RANBP17: variants seen among roughly 807,000 people sequenced by gnomAD.
RANBP17 encodes ran-binding protein 17.
Under a neutral mutation model 141.2 loss-of-function variants are expected in RANBP17, and 158 were observed. The observed-to-expected ratio is 1.12, with a 90% CI of 0.98 to 1.28. RANBP17 has a LOEUF of 1.28. Among genes scored for constraint, RANBP17 ranks in the 50% most tolerant of loss-of-function variants. RANBP17 has a pLI of 0.00. For missense variants in RANBP17, 1,438 were observed against 1,290.7 expected, an observed-to-expected ratio of 1.11 and a Z score of -1.75; for synonymous variants, 430 against 450.0, an observed-to-expected ratio of 0.96 and a Z score of 0.56.
At chr5:171,028,049 A>G (rs1227096001) in intron 14 of RANBP17, among the ~76,000 whole-genome samples, 1 of 152,042 alleles carries the variant, frequency 6.6e-6, no homozygotes, top group African/African-American at 2.4e-5. Context: ...ATACATACCA[A>G]TAACATTGAA....
At chr5:171,217,244 A>C (rs1452904267) in intron 21 of RANBP17, among the ~76,000 whole-genome samples, 1 of 152,252 alleles carries the variant, frequency 6.6e-6, no homozygotes, top group African/African-American at 2.4e-5. Flanking sequence ...CCAGCTTTGC[A>C]TCCCAGGGAT....
At chr5:171,191,783 C>T (rs1295153116) in intron 18 of RANBP17, among the ~76,000 whole-genome samples, 1 of 152,140 alleles carries the variant, frequency 6.6e-6, no homozygotes, top group African/African-American at 2.4e-5. Flanking sequence ...CACATATTTT[C>T]ATCCACTTTT....
chr5:170,890,177 C>T (rs575420919), intron 3 of RANBP17, among the ~76,000 whole-genome samples: 31 of 152,002 alleles, frequency 2.0e-4, no homozygotes, highest in Non-Finnish European at 4.0e-4. Flanking sequence ...ATAGGGTTTG[C>T]CTGTATCCAC....
At chr5:171,046,693 G>GA (rs538535986) in intron 14 of RANBP17, among the ~76,000 whole-genome samples, 2,571 of 150,762 alleles carry the variant, frequency 0.017, 43 homozygotes, top group Non-Finnish European at 0.023. Context: ...GTTGCTGGAT[G>GA]AAAAAAAAAT....
intron 14 of RANBP17, among the ~76,000 whole-genome samples, chr5:171,065,826 C>G (rs1210497014): frequency 1.3e-5 from 2 of 151,848 alleles, no homozygotes; most frequent in Non-Finnish European, 2.9e-5. Flanking sequence ...TTTCACAGAT[C>G]TTTATATTCA....
intron 14 of RANBP17, among the ~76,000 whole-genome samples, chr5:171,091,819 T>G (rs1294621083): frequency 1.3e-5 from 2 of 152,224 alleles, no homozygotes; most frequent in Non-Finnish European, 2.9e-5. Flanking sequence ...ACCATGATTG[T>G]GAGGCCTCCT....
At chr5:170,873,517 A>G (rs1258040612) in intron 1 of RANBP17, among the ~76,000 whole-genome samples, 1 of 152,044 alleles carries the variant, frequency 6.6e-6, no homozygotes, top group Non-Finnish European at 1.5e-5. Context: ...TACTGCTTTA[A>G]TTTTAGAACT....
At chr5:170,867,657 A>G (rs942340174) in intron 1 of RANBP17, among the ~76,000 whole-genome samples, 11 of 152,230 alleles carry the variant, frequency 7.2e-5, no homozygotes, top group African/African-American at 1.9e-4. Context: ...TTTAAATTCA[A>G]TTGAAGAGGA....
intron 14 of RANBP17, chr5:170,982,995 A>T: frequency 2.5e-6 from 1 of 400,322 alleles, no homozygotes; most frequent in South Asian, 2.2e-5. Flanking sequence ...AAACTTAAGT[A>T]TGAAAATAGA....
Position 170,929,144 on chromosome 5 carries a change from T to A in RANBP17, c.1468+4594T>A, listed in dbSNP as rs371846363. 4.1e-4 allele frequency among the ~76,000 whole-genome samples: 63 copies of A among 152,264 alleles called. 1 individual carries two copies. In the South Asian group the frequency reaches 0.013, roughly 30 times the overall value. ...TAGTTCTAATAACTATTTCATAGAT[T>A]CTTAGGATTGTCTATGTGATCATGT... On this transcript the variant is annotated intron_variant, in intron 12 of 27. Transcript: ENST00000523189.
intron 12 of RANBP17, among the ~76,000 whole-genome samples, chr5:170,950,474 A>G (rs778661577): frequency 5.3e-5 from 8 of 152,204 alleles, no homozygotes; most frequent in Non-Finnish European, 8.8e-5. Context: ...GCCAATAGGT[A>G]TATGAAGAAA....
chr5:170,869,080 T>TG (rs376456888), intron 1 of RANBP17, among the ~76,000 whole-genome samples: 8 of 152,300 alleles, frequency 5.3e-5, no homozygotes, highest in African/African-American at 1.9e-4. Context: ...CTTTTTATCT[T>TG]GGATGGCCTT....
intron 14 of RANBP17, among the ~76,000 whole-genome samples, chr5:171,067,382 A>G (rs1784373779): frequency 6.6e-6 from 1 of 152,270 alleles, no homozygotes; most frequent in African/African-American, 2.4e-5. Context: ...TGCCTTTTAA[A>G]TCATATTGGA....
intron 18 of RANBP17, among the ~76,000 whole-genome samples, chr5:171,195,894 G>A (rs1581839437): frequency 6.6e-6 from 1 of 152,298 alleles, no homozygotes; most frequent in Middle Eastern, 3.4e-3. Context: ...AACAGTAAGA[G>A]CCACATAAGT....
chr5:171,205,632 A>G lies in RANBP17; in HGVS notation c.2231+20A>G, dbSNP rs756323302. On this transcript the variant is annotated intron_variant, in intron 20 of 27. Coordinates refer to ENST00000523189, the MANE Select transcript of RANBP17 (RefSeq NM_022897.5). ...CTGGATGTATCCTTATTACACTGTGACAATACCAGCTCTGTGCACAGAGGG... is the reference window on the plus strand; with the variant it reads ...CTGGATGTATCCTTATTACACTGTGGCAATACCAGCTCTGTGCACAGAGGG... 30 of 1,584,330 alleles carry G rather than the reference A, an allele frequency of 1.9e-5. No individual in the cohort carries two copies. Among genetic ancestry groups the G allele is most frequent in the Middle Eastern group, 1.7e-4 (1 of 6,012 alleles).
chr5:170,956,854 G>A (rs952676183), intron 13 of RANBP17, among the ~76,000 whole-genome samples: 4 of 151,628 alleles, frequency 2.6e-5, no homozygotes, highest in African/African-American at 7.2e-5. Flanking sequence ...GGCGGATCAC[G>A]AGGTCAGGAG....
At chr5:171,249,231 C>T (rs1765408063) in intron 24 of RANBP17, among the ~76,000 whole-genome samples, 1 of 152,160 alleles carries the variant, frequency 6.6e-6, no homozygotes, top group Admixed American at 6.5e-5. Context: ...ACAATCAAAG[C>T]CAAAGTGCCC....
chr5:171,189,020 A>C (rs1437300296), intron 18 of RANBP17, among the ~76,000 whole-genome samples: 5 of 152,232 alleles, frequency 3.3e-5, no homozygotes, highest in Admixed American at 2.6e-4. Context: ...TGAAATACTT[A>C]ACCCATAACA....
intron 16 of RANBP17, among the ~76,000 whole-genome samples, chr5:171,174,848 C>T (rs1482764249): frequency 1.4e-5 from 2 of 148,120 alleles, no homozygotes; most frequent in Non-Finnish European, 3.0e-5. Flanking sequence ...ATGTGCAGAA[C>T]GTGGAGGTTT....
Sources: gnomAD v4.1 joint callset for allele counts (sites outside exome capture counted in the v4.1 genomes callset) on GRCh38, gnomAD v4.1.1 for gene constraint, MANE v1.5 for transcripts, NCBI Gene and HGNC (gene_info 2026-07-23, HGNC 2026-07-21) for gene names.